Variants in BBOF1 observed in about 807,000 individuals in gnomAD.
BBOF1 encodes the protein basal body-orientation factor 1.
BBOF1 carries 62 observed loss-of-function variants against 68.0 expected under a neutral mutation model. The ratio of observed to expected loss-of-function variants is 0.91; its 90% confidence interval spans 0.74 to 1.13. BBOF1 has a LOEUF of 1.13. BBOF1 is among the 50% of genes most tolerant of loss of function. The pLI is 0.00. For synonymous variants in BBOF1, 208 were observed against 198.8 expected, an observed-to-expected ratio of 1.05 and a Z score of -0.39; for missense variants, 534 against 600.1, an observed-to-expected ratio of 0.89 and a Z score of 1.15.
At chr14:74,048,898 G>T (rs571640439) in intron 7 of BBOF1, among the ~76,000 whole-genome samples, 1 of 151,992 alleles carries the variant, frequency 6.6e-6, no homozygotes, top group Non-Finnish European at 1.5e-5. Flanking sequence ...AGAGAAAGAC[G>T]GAGTCTCACT....
chr14:74,079,284 C>T (rs1336838920), intron 10 of BBOF1, among the ~76,000 whole-genome samples: 5 of 151,050 alleles, frequency 3.3e-5, no homozygotes, highest in Admixed American at 2.0e-4. Context: ...TGAGACCTGC[C>T]TGCACTCAAT....
At position 74,049,995 on chromosome 14, in the gene BBOF1, C is replaced by G. The variant is rs757064606; in HGVS notation, c.1086C>G (p.Phe362Leu). The part of the protein sequence containing the change: ...ILDERTEVER[F>L]FLDALHQVKQ... ...ATGAGAGAACAGAAGTGGAAAGATT[C>G]TTTTTAGATGCTCTGCACCAAGTGA... The change falls in exon 8 of 12, where the codon TTC (phenylalanine) becomes TTG (leucine). Residue 362 changes from phenylalanine to leucine, a missense_variant. By Grantham distance (22) the Phe-to-Leu change is conservative. Transcript: ENST00000394009. 42 of 1,613,966 alleles carry G rather than the reference C, an allele frequency of 2.6e-5. No homozygotes were observed. In the Admixed American group the frequency reaches 7.0e-4, roughly 27 times the overall value.
downstream of BBOF1, among the ~76,000 whole-genome samples, chr14:74,068,063 A>G (rs952637197): frequency 5.9e-5 from 9 of 152,016 alleles, no homozygotes; most frequent in Admixed American, 3.3e-4. Context: ...TGAAAGGCAA[A>G]ACAGAAAGTA....
At chr14:74,057,386 A>G (rs778509715) in intron 11 of BBOF1, 128 bp downstream of exon 11, 8 of 1,549,804 alleles carry the variant, frequency 5.2e-6, no homozygotes, top group Non-Finnish European at 4.4e-6. Flanking sequence ...TGAGTAATAA[A>G]TAGCATTAGT....
At chr14:74,020,861 G>A (rs931188276) in intron 1 of BBOF1, among the ~76,000 whole-genome samples, 5 of 152,128 alleles carry the variant, frequency 3.3e-5, no homozygotes, top group Non-Finnish European at 7.3e-5. Context: ...GTGAGACAGT[G>A]TATCACTAGT....
chr14:74,069,103 T>C, downstream of BBOF1: 2 of 518,870 alleles, frequency 3.9e-6, no homozygotes, highest in Non-Finnish European at 5.5e-6. Flanking sequence ...TACTTTTTCT[T>C]TTTTTTTTTT....
At position 74,049,891 on chromosome 14, in the gene BBOF1, A is replaced by G; in HGVS notation, c.982A>G (p.Ile328Val). 1.2e-6 allele frequency: 2 copies of G among 1,614,194 alleles called. No homozygotes were observed. Among genetic ancestry groups the G allele is most frequent in the Non-Finnish European group, 1.7e-6 (2 of 1,180,038 alleles). ...AGAGAACCAAGCAGGTCAGGTAGAA[A>G]TTGACAAGCTGCAGCACCTTCTTCA... Reference protein sequence around the residue: ...MIENQAGQVEIDKLQHLLQMK... With the variant: ...MIENQAGQVEVDKLQHLLQMK... Residue 328 changes from isoleucine (I) to valine (V), a missense_variant, in exon 8 of 12, where the codon ATT (isoleucine) becomes GTT (valine). Ile to Val is a conservative substitution (Grantham distance 29). Coordinates refer to ENST00000394009, the MANE Select transcript of BBOF1 (RefSeq NM_025057.3).
Position 74,049,785 on chromosome 14 carries a change from A to T in BBOF1, c.876A>T (p.Val292=). 1 of 1,614,208 alleles carries T rather than the reference A, an allele frequency of 6.2e-7. No homozygotes were observed. The highest frequency in any genetic ancestry group is 8.5e-7 in the Non-Finnish European group (1 of 1,180,026). Residue 292 remains valine, a synonymous_variant, in exon 8 of 12, where the codon GTA becomes GTT. Coordinates refer to ENST00000394009, the MANE Select transcript of BBOF1 (RefSeq NM_025057.3). ...RSQIQTLQKK[V]VNLETALSYM... ...AAATCCAAACCCTTCAGAAGAAGGT[A>T]GTAAACTTGGAGACTGCTCTGAGTT... is the stretch of plus-strand genomic sequence containing the variant.
In BBOF1 at chr14:74,057,682, T is replaced by A. The variant is rs188421153; in HGVS notation, c.1578+424T>A. On this transcript the variant is annotated intron_variant, in intron 11 of 11. Coordinates refer to ENST00000394009, the MANE Select transcript of BBOF1 (RefSeq NM_025057.3). Reference sequence around the variant, plus strand: ...CCAAGTTTTTCTCTTTAAGAGTTTTTAATTTATAATTTGTTATTCATAATT... The same window carrying A: ...CCAAGTTTTTCTCTTTAAGAGTTTTAAATTTATAATTTGTTATTCATAATT... 1,457 of 1,284,538 alleles carry A rather than the reference T, an allele frequency of 1.1e-3. 4 individuals are homozygous for A. Among genetic ancestry groups the A allele is most frequent in the South Asian group, 1.8e-3 (137 of 75,070 alleles). 79.6% of individuals were successfully genotyped at this position (1,284,538 alleles called of 1,614,324 possible). A position where few individuals can be genotyped will look rare whatever the true frequency, so the allele number is the denominator to read the frequency against.
chr14:74,024,709 A>G (rs754301290), intron 2 of BBOF1, among the ~76,000 whole-genome samples: 2 of 151,306 alleles, frequency 1.3e-5, no homozygotes, highest in African/African-American at 2.4e-5. Context: ...CAAGTGATCC[A>G]CCCGCGTTGG....
At chr14:74,035,098 A>G (rs1307545110) in intron 4 of BBOF1, among the ~76,000 whole-genome samples, 1 of 152,166 alleles carries the variant, frequency 6.6e-6, no homozygotes, top group Non-Finnish European at 1.5e-5. Flanking sequence ...TCAAAAAAAA[A>G]GTAAAATAAA....
In BBOF1 at chr14:74,064,783, T is replaced by A; in HGVS notation, c.*84T>A. ...GCTCCTGAATATCTTTAAGAAAATT[T>A]CTTAAAGGAAAAGACAAAAAATTTA... On this transcript the variant is annotated 3_prime_UTR_variant, in exon 12 of 12. Transcript: ENST00000394009. The A allele has an allele frequency of 6.2e-7, 1 of 1,612,604 alleles. No homozygotes were observed. The highest frequency in any genetic ancestry group is 8.5e-7 in the Non-Finnish European group (1 of 1,178,594).
chr14:74,026,325 C>G (rs2059425543), intron 2 of BBOF1, among the ~76,000 whole-genome samples: 1 of 151,034 alleles, frequency 6.6e-6, no homozygotes, highest in Non-Finnish European at 1.5e-5. Flanking sequence ...ACCTGTAATT[C>G]CAGCTACTCA....
chr14:74,080,045 C>CA (rs2060655709), intron 10 of BBOF1, among the ~76,000 whole-genome samples: 40 of 145,898 alleles, frequency 2.7e-4, no homozygotes, highest in Admixed American at 2.1e-3. Flanking sequence ...CTTAAAAAAA[C>CA]AAAAACCAAA....
rs370995248 is a variant in BBOF1, at chr14:74,029,229, C to G, written c.331C>G (p.Gln111Glu). The change falls in exon 3 of 12, where the codon CAA becomes GAA. Residue 111 changes from glutamine (Q) to glutamate (E), a missense_variant. Physicochemically the swap from Gln to Glu is conservative, Grantham distance 29. Coordinates refer to ENST00000394009, the MANE Select transcript of BBOF1 (RefSeq NM_025057.3). ...ATTAAATGAAACAAAGGAAAAAGCC[C>G]AAGAGGAGAAGGATAAATTGGTGAG... ...QQLNETKEKA[Q>E]EEKDKLEQKY... The G allele has an allele frequency of 6.4e-6, 10 of 1,561,168 alleles. No individual in the cohort carries two copies. The African/African-American group carries it at 1.1e-4, about 17-fold the overall frequency.
intron 4 of BBOF1, among the ~76,000 whole-genome samples, chr14:74,036,205 G>A (rs1192571983): frequency 6.6e-6 from 1 of 151,988 alleles, no homozygotes; most frequent in Admixed American, 6.6e-5. Context: ...ATAGGCGCAC[G>A]CCACCGTGCT....
chr14:74,082,210 T>C (rs537456499), intron 12 of BBOF1, among the ~76,000 whole-genome samples: 1 of 152,206 alleles, frequency 6.6e-6, no homozygotes, highest in African/African-American at 2.4e-5. Context: ...GTCTCGAACA[T>C]TCCTTTATCT....
At chr14:74,058,808 G>A (rs964072304) in intron 11 of BBOF1, 2 of 153,060 alleles carry the variant, frequency 1.3e-5, no homozygotes, top group Non-Finnish European at 2.9e-5. Context: ...GAGGCGGCTG[G>A]GGGTGGTGGC....
intron 3 of BBOF1, chr14:74,032,015 A>G (rs1226330831): frequency 2.6e-5 from 4 of 152,170 alleles, no homozygotes; most frequent in East Asian, 3.8e-4. Context: ...GGTATTGCCA[A>G]ATATCCATTT....
Sources: gnomAD v4.1 joint callset for allele counts (sites outside exome capture counted in the v4.1 genomes callset) on GRCh38, gnomAD v4.1.1 for gene constraint, MANE v1.5 for transcripts, NCBI Gene and HGNC (gene_info 2026-07-23, HGNC 2026-07-21) for gene names.